WDPCP: variants seen among roughly 807,000 people sequenced by gnomAD.
WDPCP encodes the protein WD repeat containing planar cell polarity effector.
WDPCP carries 71 observed loss-of-function variants against 93.1 expected under a neutral mutation model. The observed-to-expected ratio is 0.76, with a 90% CI of 0.63 to 0.93. WDPCP has a LOEUF of 0.93. WDPCP is among the 40% of genes least tolerant of loss of function. The probability of loss-of-function intolerance (pLI) is 0.00; values close to 1 mark genes in which losing one functional copy is unlikely to be tolerated. For synonymous variants in WDPCP, 315 were observed against 315.0 expected (o/e 1.00, Z 0.00); for missense variants, 844 against 887.4 (o/e 0.95, Z 0.62).
chr2:63,443,789 A>G lies in WDPCP; in HGVS notation c.385-3918T>C, dbSNP rs185667201. Among the ~76,000 whole-genome samples the G allele has an allele frequency of 7.4e-4, 113 of 152,302 alleles. 1 individual carries two copies. Among genetic ancestry groups the G allele is most frequent in the African/African-American group, 2.6e-3 (107 of 41,560 alleles). ...AATGATAAGTGGGCAGACTTGAGAT[A>G]TATTTTAAAAAGTATCTACTAGCAC... On this transcript the variant is annotated intron_variant, in intron 6 of 17. Coordinates refer to ENST00000272321, the MANE Select transcript of WDPCP (RefSeq NM_015910.7).
intron 9 of WDPCP, among the ~76,000 whole-genome samples, chr2:63,430,786 G>A (rs1416027950): frequency 6.6e-6 from 1 of 152,178 alleles, no homozygotes; most frequent in Non-Finnish European, 1.5e-5. Context: ...GGAGGCTGGG[G>A]CAGGATAATC....
At chr2:63,660,527 A>C (rs1710214931) in intron 2 of WDPCP, among the ~76,000 whole-genome samples, 1 of 152,212 alleles carries the variant, frequency 6.6e-6, no homozygotes, top group Non-Finnish European at 1.5e-5. Flanking sequence ...CCTGCCTCCC[A>C]GTCCAATTTA....
intron 15 of WDPCP, among the ~76,000 whole-genome samples, chr2:63,162,404 ATC>A (rs1327299629): frequency 6.6e-6 from 1 of 152,160 alleles, no homozygotes; most frequent in Non-Finnish European, 1.5e-5. Flanking sequence ...TTTCTGTAAC[ATC>A]TCTTTCATTG....
At chr2:63,669,820 G>A (rs1710324185) in intron 2 of WDPCP, among the ~76,000 whole-genome samples, 1 of 152,178 alleles carries the variant, frequency 6.6e-6, no homozygotes, top group African/African-American at 2.4e-5. Flanking sequence ...CCACGTCATG[G>A]TCTGTGAATA....
At chr2:63,553,014 T>C (rs1423491339) in intron 1 of WDPCP, among the ~76,000 whole-genome samples, 2 of 152,092 alleles carry the variant, frequency 1.3e-5, no homozygotes, top group African/African-American at 4.8e-5. Context: ...AATTATGAAA[T>C]GAAATTTAAC....
At chr2:63,734,854 G>A (rs549963412) in intron 2 of WDPCP, among the ~76,000 whole-genome samples, 1 of 144,800 alleles carries the variant, frequency 6.9e-6, no homozygotes, top group East Asian at 2.0e-4. Context: ...AGGATAGATA[G>A]ATGGAGATAG....
chr2:63,684,864 C>T (rs1265532572), intron 2 of WDPCP, among the ~76,000 whole-genome samples: 2 of 151,988 alleles, frequency 1.3e-5, no homozygotes, highest in Non-Finnish European at 2.9e-5. Context: ...ACAATGTGCT[C>T]CTGAATAACC....
intron 10 of WDPCP, among the ~76,000 whole-genome samples, chr2:63,386,272 C>G (rs1488209930): frequency 6.6e-6 from 1 of 151,978 alleles, no homozygotes; most frequent in Non-Finnish European, 1.5e-5. Context: ...AAAGGGTAAA[C>G]TACAGGCTGA....
chr2:63,219,270 T>C (rs894196017), intron 14 of WDPCP, among the ~76,000 whole-genome samples: 1 of 152,212 alleles, frequency 6.6e-6, no homozygotes, highest in African/African-American at 2.4e-5. Flanking sequence ...AGTTTACAAT[T>C]TACAAGTAGG....
the WDPCP span, among the ~76,000 whole-genome samples, chr2:63,833,498 ACAC>A: frequency 6.6e-6 from 1 of 152,212 alleles, no homozygotes; most frequent in Non-Finnish European, 1.5e-5. Context: ...AAACAGAAAA[ACAC>A]CAATAAATTA....
At chr2:63,139,110 AAC>A (rs1190067270) in intron 17 of WDPCP, among the ~76,000 whole-genome samples, 2 of 151,890 alleles carry the variant, frequency 1.3e-5, no homozygotes, top group African/African-American at 4.8e-5. Context: ...TATACACATA[AAC>A]ACATATATAC....
chr2:63,589,080 G>A (rs763584687), upstream of WDPCP: 1 of 1,614,222 alleles, frequency 6.2e-7, no homozygotes, highest in Non-Finnish European at 8.5e-7. Flanking sequence ...GCCCACCTCT[G>A]GCCCTCGCGC....
At chr2:63,619,230 G>A (rs1709706172) in intron 3 of WDPCP, among the ~76,000 whole-genome samples, 2 of 152,186 alleles carry the variant, frequency 1.3e-5, no homozygotes, top group Admixed American at 1.3e-4. Flanking sequence ...GTTTTAAACT[G>A]ATATCAGTAT....
intron 1 of WDPCP, among the ~76,000 whole-genome samples, chr2:63,559,192 T>C (rs1475941860): frequency 6.6e-6 from 1 of 152,156 alleles, no homozygotes; most frequent in Non-Finnish European, 1.5e-5. Flanking sequence ...ATTATCTCAA[T>C]AGATGCAGAA....
At chr2:63,835,403 A>G in the WDPCP span, among the ~76,000 whole-genome samples, 1 of 151,276 alleles carries the variant, frequency 6.6e-6, no homozygotes, top group Admixed American at 6.6e-5. Context: ...AAAAAAAAAA[A>G]AAAAAAAAAG....
At chr2:63,261,949 A>G (rs2104790088) in intron 13 of WDPCP, among the ~76,000 whole-genome samples, 1 of 152,330 alleles carries the variant, frequency 6.6e-6, no homozygotes, top group South Asian at 2.1e-4. Flanking sequence ...GGGGGCAACT[A>G]AAATGTACAA....
rs1356773485 is a variant in WDPCP, at chr2:63,701,574, A to G, written n.309-50736T>C. On this transcript the variant is annotated intron_variant and non_coding_transcript_variant, in intron 2 of 4. Coordinates refer to the WDPCP transcript ENST00000467687. The stretch of plus-strand genomic sequence containing the variant: ...CCAAGTTTATTGCAGCACTATTCAT[A>G]ATAGCCAAAATATGGAACCAACCTA... Among the ~76,000 whole-genome samples the G allele has an allele frequency of 3.3e-4, 51 of 152,272 alleles. 1 individual carries two copies. The highest frequency in any genetic ancestry group is 3.3e-3 in the Admixed American group (51 of 15,290).
At chr2:63,449,848 GC>G (rs1474525142) in intron 6 of WDPCP, among the ~76,000 whole-genome samples, 1 of 152,082 alleles carries the variant, frequency 6.6e-6, no homozygotes, top group Non-Finnish European at 1.5e-5. Context: ...GAAAACCACA[GC>G]CCCCATATAT....
chr2:63,486,519 C>CAA, intron 4 of WDPCP, 23 bp downstream of exon 4: 1 of 1,547,578 alleles, frequency 6.5e-7, no homozygotes, highest in Non-Finnish European at 8.8e-7. Flanking sequence ...ATAATAATTC[C>CAA]AAAAAATATA....
Sources: allele counts gnomAD v4.1 joint callset (sites outside exome capture counted in the v4.1 genomes callset), GRCh38; gene constraint gnomAD v4.1.1; transcripts MANE v1.5; gene names NCBI Gene and HGNC (gene_info 2026-07-23, HGNC 2026-07-21).